Variants in CD96 observed in about 807,000 individuals in gnomAD.
The protein encoded by CD96 is CD96 molecule, also known as T-cell surface protein tactile.
In CD96, 70 loss-of-function variants were observed where a neutral mutation model predicts 71.3. That is an observed-to-expected ratio of 0.98 (90% CI 0.81 to 1.20). The LOEUF (loss-of-function observed/expected upper bound fraction) is 1.20, where lower values mean the gene tolerates loss of function less well. CD96 is among the 50% of genes most tolerant of loss of function. The pLI is 0.00. For synonymous variants in CD96, 248 were observed against 233.0 expected, an observed-to-expected ratio of 1.06 and a Z score of -0.59; for missense variants, 742 against 677.5, an observed-to-expected ratio of 1.10 and a Z score of -1.06.
rs1934852724 is a variant in CD96 at position 111,553,876 on chromosome 3, T to C, written c.418+8474T>C. On this transcript the variant is annotated intron_variant, in intron 2 of 13. Transcript: ENST00000352690. ...AAAATTTCCCATATATAAAACCTAT[T>C]AATCCTTTGTTATATAAGTTGCAAA... Among the ~76,000 whole-genome samples, 3 of 152,004 alleles carry C rather than the reference T, an allele frequency of 2.0e-5. No homozygotes were observed. The South Asian group carries it at 6.2e-4, about 32-fold the overall frequency.
At chr3:111,654,135 C>G (rs147306854), downstream of CD96, among the ~76,000 whole-genome samples, 18 of 152,280 alleles carry the variant, frequency 1.2e-4, no homozygotes, top group Non-Finnish European at 2.4e-4. Context: ...ACTTTGTTCT[C>G]TCTGAGACGA....
At chr3:111,617,117 G>A (rs1938280819) in intron 8 of CD96, among the ~76,000 whole-genome samples, 1 of 152,226 alleles carries the variant, frequency 6.6e-6, no homozygotes, top group South Asian at 2.1e-4. Context: ...AAGGAGCACA[G>A]GAAGGAGGCA....
rs1488931435 is a variant in CD96 at position 111,650,166 on chromosome 3, T to C, written c.*360T>C. The C allele has an allele frequency of 3.6e-6, 1 of 274,190 alleles. No individual in the cohort carries two copies. The highest frequency in any genetic ancestry group is 8.1e-5 in the East Asian group (1 of 12,316). 17.0% of individuals were successfully genotyped at this position (274,190 alleles called of 1,614,324 possible). A position where few individuals can be genotyped will look rare whatever the true frequency, so the allele number is the denominator to read the frequency against. On this transcript the variant is annotated 3_prime_UTR_variant, in exon 14 of 14. Transcript: ENST00000352690. ...AACTGTATGCCCATGCCTGATCCTC[T>C]TATTTGAACATCTATCAACATTGTA...
rs573053864 is a variant in CD96 at position 111,638,231 on chromosome 3, G to T, written c.1477+63G>T. ...TATTCACTCAATAAATATTTATCAA[G>T]TACCTGCCATTTGCCAGGCATTATG... On this transcript the variant is annotated intron_variant, in intron 12 of 13. Transcript: ENST00000352690. The T allele has an allele frequency of 2.3e-4, 234 of 1,023,006 alleles. 1 individual carries two copies. In the East Asian group the frequency reaches 5.1e-3, roughly 22 times the overall value. 63.4% of individuals were successfully genotyped at this position (1,023,006 alleles called of 1,614,324 possible).
chr3:111,636,434 T>C (rs1939331841), intron 10 of CD96, among the ~76,000 whole-genome samples: 1 of 152,262 alleles, frequency 6.6e-6, no homozygotes, highest in African/African-American at 2.4e-5. Context: ...AATATATTTG[T>C]ACTGATTACA....
rs561552975 is a variant in CD96, at chr3:111,566,749, A to C, written c.419-774A>C. Among the ~76,000 whole-genome samples, 4 of 152,250 alleles carry C rather than the reference A, an allele frequency of 2.6e-5. No individual in the cohort carries two copies. In the South Asian group the frequency reaches 8.3e-4, roughly 32 times the overall value. On this transcript the variant is annotated intron_variant, in intron 2 of 13. Coordinates refer to ENST00000352690, the MANE Select transcript of CD96 (RefSeq NM_005816.5). Reference sequence around the variant, plus strand: ...TACCTTAAAAATGAAAATAATTAACACTGCTTCCTCAAAGTTTCCTTATAT... The same window carrying C: ...TACCTTAAAAATGAAAATAATTAACCCTGCTTCCTCAAAGTTTCCTTATAT...
intron 5 of CD96, chr3:111,593,916 T>A (rs1386255776): frequency 1.9e-6 from 3 of 1,613,826 alleles, no homozygotes; most frequent in Non-Finnish European, 2.5e-6. Flanking sequence ...CACAGTGCAG[T>A]GGTGCCCACG....
chr3:111,649,205 A>G (rs1576435544), intron 13 of CD96, among the ~76,000 whole-genome samples: 2 of 152,340 alleles, frequency 1.3e-5, no homozygotes, highest in South Asian at 4.1e-4. Context: ...CACATAAAAG[A>G]AACATTTCTT....
chr3:111,587,978 A>C (rs779814193), intron 5 of CD96, among the ~76,000 whole-genome samples: 9 of 152,228 alleles, frequency 5.9e-5, no homozygotes, highest in Non-Finnish European at 1.0e-4. Flanking sequence ...GGCTGCTGCA[A>C]AAGTCTCCAA....
At chr3:111,642,241 C>A (rs1258758706) in intron 12 of CD96, among the ~76,000 whole-genome samples, 1 of 152,016 alleles carries the variant, frequency 6.6e-6, no homozygotes, top group Non-Finnish European at 1.5e-5. Flanking sequence ...AATTGAAAGA[C>A]CATTAGTGAG....
chr3:111,565,438 T>C (rs2107541403), intron 2 of CD96, among the ~76,000 whole-genome samples: 1 of 152,296 alleles, frequency 6.6e-6, no homozygotes, highest in Admixed American at 6.5e-5. Context: ...TTTACAAAAA[T>C]GTAATACTTA....
At chr3:111,587,765 G>A (rs980024672) in intron 5 of CD96, among the ~76,000 whole-genome samples, 6 of 152,200 alleles carry the variant, frequency 3.9e-5, no homozygotes, top group Non-Finnish European at 7.3e-5. Context: ...CCTACAGGCT[G>A]AACACCACGT....
At chr3:111,587,554 T>G (rs189660838) in intron 5 of CD96, among the ~76,000 whole-genome samples, 2 of 152,312 alleles carry the variant, frequency 1.3e-5, no homozygotes, top group Admixed American at 1.3e-4. Flanking sequence ...GGTCCTCTTC[T>G]CACAGCTCCA....
At chr3:111,544,518 A>G (rs1398886538) in intron 1 of CD96, among the ~76,000 whole-genome samples, 1 of 152,320 alleles carries the variant, frequency 6.6e-6, no homozygotes, top group Non-Finnish European at 1.5e-5. Context: ...GGTTAACAAC[A>G]TCACCTATGG....
chr3:111,570,399 G>C (rs55925045), intron 3 of CD96, among the ~76,000 whole-genome samples: 4 of 152,110 alleles, frequency 2.6e-5, no homozygotes, highest in African/African-American at 9.7e-5. Context: ...TTGTGCAGAA[G>C]CACCTTCCCC....
At chr3:111,623,144 T>A (rs143651794) in intron 8 of CD96, among the ~76,000 whole-genome samples, 1 of 152,246 alleles carries the variant, frequency 6.6e-6, no homozygotes, top group Non-Finnish European at 1.5e-5. Flanking sequence ...TAAACCTGAT[T>A]TCAATGGACT....
downstream of CD96, among the ~76,000 whole-genome samples, chr3:111,655,389 AAG>A (rs1292218092): frequency 6.6e-6 from 1 of 152,220 alleles, no homozygotes; most frequent in African/African-American, 2.4e-5. Flanking sequence ...AATTTAATGG[AAG>A]AGAGAGACAT....
chr3:111,559,061 T>C (rs1336609714), intron 2 of CD96, among the ~76,000 whole-genome samples: 1 of 152,112 alleles, frequency 6.6e-6, no homozygotes, highest in East Asian at 1.9e-4. Context: ...ATATCCCCTT[T>C]ATCATTTTTT....
chr3:111,647,360 C>T (rs984734798), intron 12 of CD96, among the ~76,000 whole-genome samples, 183 bp from the exon 13 acceptor site: 5 of 152,008 alleles, frequency 3.3e-5, no homozygotes, highest in East Asian at 1.9e-4. Context: ...TGGTAGGGTA[C>T]GTAATTAACT....
Sources: gnomAD v4.1 joint callset for allele counts (sites outside exome capture counted in the v4.1 genomes callset) on GRCh38, gnomAD v4.1.1 for gene constraint, MANE v1.5 for transcripts, NCBI Gene and HGNC (gene_info 2026-07-23, HGNC 2026-07-21) for gene names.